The following CWC15 variants were observed in gnomAD, a reference collection of about 807,000 sequenced individuals.
The protein encoded by CWC15 is spliceosome-associated protein CWC15 homolog.
A neutral mutation model predicts 28.4 loss-of-function variants in CWC15; 12 were observed. The ratio of observed to expected loss-of-function variants is 0.42; its 90% confidence interval spans 0.27 to 0.69. The LOEUF (loss-of-function observed/expected upper bound fraction) is 0.69. Ranked by LOEUF, CWC15 falls within the 30% of genes least tolerant of loss-of-function variation. The pLI is 0.23. For synonymous variants in CWC15, 92 were observed against 88.4 expected (o/e 1.04, Z -0.23); for missense variants, 192 against 271.5 (o/e 0.71, Z 2.06).
At chr11:94,968,683 T>C (rs587755076) in intron 5 of CWC15, among the ~76,000 whole-genome samples, 2 of 152,360 alleles carry the variant, frequency 1.3e-5, no homozygotes, top group East Asian at 1.9e-4. Context: ...TTGATGAGAA[T>C]TGTATTTTGA....
At chr11:94,967,169 T>C (rs587691586) in intron 5 of CWC15, among the ~76,000 whole-genome samples, 11 of 151,756 alleles carry the variant, frequency 7.2e-5, no homozygotes, top group East Asian at 5.8e-4. Context: ...CCTCAGCCTC[T>C]GGCACGTGCC....
At chr11:94,966,486 T>C in intron 5 of CWC15, 73 bp from the exon 6 acceptor site, 2 of 833,260 alleles carry the variant, frequency 2.4e-6, no homozygotes, top group South Asian at 2.0e-5. Flanking sequence ...ATTAGCTCAC[T>C]GAAAAAAAAA....
Position 94,966,362 on chromosome 11 carries a change from T to C in CWC15, c.493A>G (p.Ser165Gly). The C allele has an allele frequency of 6.4e-7, 1 of 1,558,808 alleles. No individual in the cohort carries two copies. Among genetic ancestry groups the C allele is most frequent in the Non-Finnish European group, 8.7e-7 (1 of 1,150,074 alleles). The change falls in exon 6 of 7, where the codon AGC becomes GGC. Residue 165 changes from serine to glycine, a missense_variant. By Grantham distance (56) the Ser-to-Gly change is moderately conservative. Transcript: ENST00000279839. ...GTGAGATTAAGGAGAGGGTTTCCGC[T>C]CAGAATGTTTTCCATACGAATCCTC... ...EERIRMENILSGNPLLNLTGP... is the reference protein window; with the variant it reads ...EERIRMENILGGNPLLNLTGP...
Position 94,963,309 on chromosome 11 carries a change from G to GAA in CWC15, c.*74_*75dup, listed in dbSNP as rs58293261. ...CACACACAATTTAGACAGGGGAAAA[G>GAA]AAAAAAAAAACTCATAAAAAAAGTC... is the stretch of plus-strand genomic sequence containing the variant. On this transcript the variant is annotated 3_prime_UTR_variant, in exon 7 of 7. Coordinates refer to ENST00000279839, the MANE Select transcript of CWC15 (RefSeq NM_016403.4). The GAA allele has an allele frequency of 0.026, 27,897 of 1,080,794 alleles. No homozygotes were observed. Among genetic ancestry groups the GAA allele is most frequent in the Non-Finnish European group, 0.029 (23,265 of 803,396 alleles). 67.0% of individuals were successfully genotyped at this position (1,080,794 alleles called of 1,614,324 possible). A position where few individuals can be genotyped will look rare whatever the true frequency, so the allele number is the denominator to read the frequency against.
At position 94,970,074 on chromosome 11, in the gene CWC15, T is replaced by C. The variant is rs782050847; in HGVS notation, c.356A>G (p.Glu119Gly). The C allele has an allele frequency of 1.6e-5, 24 of 1,527,298 alleles. No homozygotes were observed. Among genetic ancestry groups the C allele is most frequent in the Non-Finnish European group, 2.1e-5 (24 of 1,124,018 alleles). 94.6% of individuals were successfully genotyped at this position (1,527,298 alleles called of 1,614,324 possible). The change falls in exon 5 of 7, where the codon GAA becomes GGA. Residue 119 changes from glutamate (E) to glycine (G), a missense_variant. Coordinates refer to ENST00000279839, the MANE Select transcript of CWC15 (RefSeq NM_016403.4). Reference protein sequence around the residue: ...LTDEEDEDFEEESDDDDTAAL... With the variant: ...LTDEEDEDFEGESDDDDTAAL... ...TGCAGTATCATCATCATCACTTTCT[T>C]CTTCAAAATCTTCATCTTCCTCCTA...
chr11:94,970,317 TAG>T (rs1857701952), intron 4 of CWC15: 3 of 379,442 alleles, frequency 7.9e-6, no homozygotes, highest in Non-Finnish European at 1.4e-5. Flanking sequence ...CAGTTGAAAT[TAG>T]GTTTCCTGTT....
At chr11:94,966,593 T>C (rs1260626428) in intron 5 of CWC15, among the ~76,000 whole-genome samples, 180 bp from the exon 6 acceptor site, 2 of 144,716 alleles carry the variant, frequency 1.4e-5, no homozygotes, top group Non-Finnish European at 3.0e-5. Context: ...AAAGTCTCCC[T>C]CATCAAAATA....
intron 1 of CWC15, chr11:94,973,185 G>A (rs1207385628): frequency 6.6e-6 from 1 of 152,412 alleles, no homozygotes; most frequent in Non-Finnish European, 1.5e-5. Context: ...GGCCTCCCGT[G>A]AGCTAGTCTT....
At chr11:94,973,293 T>C (rs1857756106) in intron 1 of CWC15, 1 of 24,722 alleles carries the variant, frequency 4.0e-5, no homozygotes, top group African/African-American at 1.3e-4. Context: ...CTTTACGCAG[T>C]AGGCGAGCTG....
chr11:94,970,160 T>C, intron 4 of CWC15, 64 bp from the exon 5 acceptor site: 2 of 739,588 alleles, frequency 2.7e-6, no homozygotes, highest in Middle Eastern at 4.7e-4. Flanking sequence ...ACACAGTACA[T>C]ATGTACAACG....
chr11:94,973,001 G>A (rs1352392520), intron 1 of CWC15, among the ~76,000 whole-genome samples: 2 of 138,240 alleles, frequency 1.4e-5, no homozygotes, highest in Non-Finnish European at 3.0e-5. Context: ...TGTTAGTGTC[G>A]GAAAAGCAAG....
Position 94,966,413 on chromosome 11 carries a change from C to A in CWC15, c.442G>T (p.Glu148Ter). 6.5e-7 allele frequency: 1 copy of A among 1,542,754 alleles called. No individual in the cohort carries two copies. Among genetic ancestry groups the A allele is most frequent in the Non-Finnish European group, 8.8e-7 (1 of 1,139,798 alleles). ...TCTTCTTCAGCTTTTTGTTCTTGTT[C>A]CTGTCAATGATAAAGGAAGATTAAC... Reference protein sequence around the residue: ...KERAEEQARKEQEQKAEEERI... With the variant: ...KERAEEQARK Residue 148 changes from glutamate (E) to a stop codon, truncating the protein, a stop_gained and splice_region_variant, in exon 6 of 7, where the codon GAA becomes TAA. Transcript: ENST00000279839. LOFTEE classifies it high-confidence loss of function.
At chr11:94,963,774 T>C (rs587602266) in intron 6 of CWC15, among the ~76,000 whole-genome samples, 13 of 152,310 alleles carry the variant, frequency 8.5e-5, no homozygotes, top group Admixed American at 4.6e-4. Flanking sequence ...AGTTAAAAAA[T>C]AGAAATATAT....
intron 1 of CWC15, chr11:94,973,172 TC>T (rs1197122005): frequency 6.6e-6 from 1 of 152,372 alleles, no homozygotes; most frequent in African/African-American, 2.4e-5. Flanking sequence ...GAATTATCAC[TC>T]CGGCCTCCCG....
intron 1 of CWC15, among the ~76,000 whole-genome samples, chr11:94,972,914 G>C (rs950139393): frequency 2.0e-5 from 3 of 152,096 alleles, no homozygotes; most frequent in African/African-American, 7.2e-5. Context: ...CCAAAAATCA[G>C]GGACTCATTC....
chr11:94,971,218 A>G (rs1428864887), intron 3 of CWC15, 153 bp from the exon 4 acceptor site: 4 of 950,250 alleles, frequency 4.2e-6, no homozygotes, highest in Non-Finnish European at 6.5e-6. Context: ...CCTTTGGTAA[A>G]TATTTGTTGT....
chr11:94,972,027 GAAC>G, intron 2 of CWC15, 25 bp downstream of exon 2: 1 of 1,596,868 alleles, frequency 6.3e-7, no homozygotes, highest in East Asian at 2.2e-5. Context: ...CTTGTTTTGT[GAAC>G]AATAAAAAAA....
At chr11:94,971,903 A>T (rs587738266) in intron 2 of CWC15, among the ~76,000 whole-genome samples, 152 bp downstream of exon 2, 33 of 152,352 alleles carry the variant, frequency 2.2e-4, no homozygotes, top group African/African-American at 7.7e-4. Flanking sequence ...TTTTAAAATC[A>T]CAGCAGAATT....
chr11:94,963,324 TA>T lies in CWC15; in HGVS notation c.*60del, dbSNP rs36022887. 11 of 1,341,452 alleles carry T rather than the reference TA, an allele frequency of 8.2e-6. No individual in the cohort carries two copies. Among genetic ancestry groups the T allele is most frequent in the South Asian group, 1.7e-5 (1 of 60,584 alleles). 83.1% of individuals were successfully genotyped at this position (1,341,452 alleles called of 1,614,324 possible). On this transcript the variant is annotated 3_prime_UTR_variant, in exon 7 of 7. Transcript: ENST00000279839. Reference sequence around the variant, plus strand: ...CAGGGGAAAAGAAAAAAAAAACTCATAAAAAAAGTCAGAATGATCCTTTACG... The same window carrying T: ...CAGGGGAAAAGAAAAAAAAAACTCATAAAAAAGTCAGAATGATCCTTTACG...
Sources: allele counts gnomAD v4.1 joint callset (sites outside exome capture counted in the v4.1 genomes callset), GRCh38; gene constraint gnomAD v4.1.1; transcripts MANE v1.5; gene names NCBI Gene and HGNC (gene_info 2026-07-23, HGNC 2026-07-21).